The following ITGBL1 variants were observed in gnomAD, a reference collection of about 807,000 sequenced individuals.
The protein encoded by ITGBL1 is integrin subunit beta like 1, also known as integrin beta-like protein 1.
In ITGBL1, 51 loss-of-function variants were observed where a neutral mutation model predicts 68.5. The observed-to-expected ratio is 0.74, with a 90% CI of 0.59 to 0.94. The LOEUF is 0.94. ITGBL1 is among the 40% of genes least tolerant of loss of function. The pLI, the probability that ITGBL1 is intolerant of heterozygous loss-of-function variation, is 0.00. For synonymous variants in ITGBL1, 209 were observed against 227.3 expected (o/e 0.92, Z 0.72); for missense variants, 649 against 647.4 (o/e 1.00, Z -0.03).
intron 2 of ITGBL1, among the ~76,000 whole-genome samples, chr13:101,503,780 T>A (rs968437308): frequency 1.2e-4 from 19 of 152,200 alleles, no homozygotes; most frequent in African/African-American, 4.6e-4. Flanking sequence ...CTTGAGACTT[T>A]CCTTTGCTGT....
intron 2 of ITGBL1, among the ~76,000 whole-genome samples, chr13:101,560,856 A>G (rs2139235082): frequency 6.6e-6 from 1 of 152,298 alleles, no homozygotes; most frequent in East Asian, 1.9e-4. Context: ...TGGGAGCTAT[A>G]GTTATTCTTT....
At chr13:101,459,207 C>G (rs767503000) in intron 2 of ITGBL1, among the ~76,000 whole-genome samples, 1 of 152,086 alleles carries the variant, frequency 6.6e-6, no homozygotes, top group Non-Finnish European at 1.5e-5. Context: ...TCATTGGCCA[C>G]CACGTTTGGG....
At chr13:101,604,347 A>G (rs985054397) in intron 7 of ITGBL1, among the ~76,000 whole-genome samples, 1 of 151,870 alleles carries the variant, frequency 6.6e-6, no homozygotes, top group African/African-American at 2.4e-5. Flanking sequence ...TTTTTAAGCA[A>G]TAGAGTATGT....
chr13:101,703,034 G>A (rs1456778755), intron 8 of ITGBL1, among the ~76,000 whole-genome samples: 1 of 152,154 alleles, frequency 6.6e-6, no homozygotes, highest in East Asian at 1.9e-4. Flanking sequence ...GATCCACTGT[G>A]TCTCAGGCAT....
intron 7 of ITGBL1, among the ~76,000 whole-genome samples, chr13:101,634,941 GGTGTGTGTGTGT>G (rs59309809): frequency 6.9e-6 from 1 of 145,808 alleles, no homozygotes; most frequent in South Asian, 2.2e-4. Flanking sequence ...ATAAGCAAAA[GGTGTGTGTGTGT>G]GTGTGTGTGT....
intron 2 of ITGBL1, among the ~76,000 whole-genome samples, chr13:101,561,778 T>C (rs1203593792): frequency 6.6e-6 from 1 of 152,142 alleles, no homozygotes; most frequent in Non-Finnish European, 1.5e-5. Flanking sequence ...CAATTAAGGA[T>C]TTTTATGAGG....
chr13:101,502,547 G>C (rs189797270), intron 2 of ITGBL1, among the ~76,000 whole-genome samples: 148 of 152,112 alleles, frequency 9.7e-4, no homozygotes, highest in African/African-American at 3.4e-3. Flanking sequence ...TATTCTCCTG[G>C]CCTGCAAATT....
Position 101,526,490 on chromosome 13 carries a change from A to C in ITGBL1, c.317-41209A>C, listed in dbSNP as rs531062069. 1.5e-3 allele frequency among the ~76,000 whole-genome samples: 230 copies of C among 152,220 alleles called. 1 individual carries two copies. The highest frequency in any genetic ancestry group is 5.3e-3 in the African/African-American group (221 of 41,556). ...AAATGTGGCACAGATACACCATAGA[A>C]TAGTATGCAGCCATAAAAAAGGATG... On this transcript the variant is annotated intron_variant, in intron 2 of 10. Transcript: ENST00000376180.
At chr13:101,695,661 G>A (rs986549969) in intron 8 of ITGBL1, among the ~76,000 whole-genome samples, 4 of 152,138 alleles carry the variant, frequency 2.6e-5, no homozygotes, top group Admixed American at 2.0e-4. Context: ...CAGTAAAGGT[G>A]GAGGATCTTG....
At chr13:101,643,131 T>C (rs2032444456) in intron 7 of ITGBL1, among the ~76,000 whole-genome samples, 1 of 152,008 alleles carries the variant, frequency 6.6e-6, no homozygotes, top group Admixed American at 6.6e-5. Flanking sequence ...GGGGATGGCA[T>C]TGGATCTATA....
chr13:101,571,894 A>C (rs1034256232), intron 3 of ITGBL1, among the ~76,000 whole-genome samples: 2 of 152,140 alleles, frequency 1.3e-5, no homozygotes, highest in Non-Finnish European at 2.9e-5. Context: ...AATTTATTCA[A>C]TCAAGCTCTT....
At chr13:101,631,071 A>G (rs958877184) in intron 7 of ITGBL1, among the ~76,000 whole-genome samples, 4 of 152,180 alleles carry the variant, frequency 2.6e-5, no homozygotes, top group African/African-American at 7.2e-5. Context: ...GGTTAGTTAA[A>G]GACTCTGATA....
intron 7 of ITGBL1, among the ~76,000 whole-genome samples, chr13:101,602,949 A>G (rs1028818603): frequency 6.6e-6 from 1 of 152,012 alleles, no homozygotes; most frequent in Non-Finnish European, 1.5e-5. Flanking sequence ...GTATGGATAC[A>G]CCACCGTTAT....
intron 7 of ITGBL1, among the ~76,000 whole-genome samples, chr13:101,627,930 T>C (rs2031841994): frequency 6.6e-6 from 1 of 152,234 alleles, no homozygotes; most frequent in South Asian, 2.1e-4. Context: ...GGTTTTCATG[T>C]GGACATTAAG....
At chr13:101,607,021 A>G (rs1036743330) in intron 7 of ITGBL1, among the ~76,000 whole-genome samples, 25 of 152,136 alleles carry the variant, frequency 1.6e-4, no homozygotes, top group African/African-American at 5.3e-4. Context: ...GGATTCATGT[A>G]CAAATCTCTT....
At chr13:101,676,089 C>G (rs2033495178) in intron 7 of ITGBL1, among the ~76,000 whole-genome samples, 2 of 152,026 alleles carry the variant, frequency 1.3e-5, no homozygotes, top group African/African-American at 2.4e-5. Flanking sequence ...TAGTCAATGA[C>G]TGATGATTTA....
intron 7 of ITGBL1, among the ~76,000 whole-genome samples, chr13:101,647,245 A>G (rs2032588530): frequency 6.6e-6 from 1 of 152,218 alleles, no homozygotes; most frequent in Admixed American, 6.5e-5. Flanking sequence ...AATTAACCTC[A>G]AGCAAGTAAT....
At chr13:101,525,092 A>G (rs1486964372) in intron 2 of ITGBL1, among the ~76,000 whole-genome samples, 3 of 152,176 alleles carry the variant, frequency 2.0e-5, no homozygotes, top group African/African-American at 7.2e-5. Flanking sequence ...AGTTTTCTTC[A>G]TAAGGGTGCT....
At position 101,714,435 on chromosome 13, in the gene ITGBL1, C is replaced by T; in HGVS notation, c.1280-3C>T. ...TGGTGAGTAATAGCCTTTGTAATTT[C>T]AGGTTCTTGTCATTGTGGGAAGTGC... On this transcript the variant is annotated splice_polypyrimidine_tract_variant and splice_region_variant and intron_variant, in intron 9 of 10. Coordinates refer to ENST00000376180, the MANE Select transcript of ITGBL1 (RefSeq NM_004791.3). The T allele has an allele frequency of 6.4e-7, 1 of 1,552,634 alleles. No individual in the cohort carries two copies.
Sources: gnomAD v4.1 joint callset for allele counts (sites outside exome capture counted in the v4.1 genomes callset) on GRCh38, gnomAD v4.1.1 for gene constraint, MANE v1.5 for transcripts, NCBI Gene and HGNC (gene_info 2026-07-23, HGNC 2026-07-21) for gene names.